IGSF9: variants seen among roughly 807,000 people sequenced by gnomAD.
The protein encoded by IGSF9 is immunoglobulin superfamily member 9, also known as protein turtle homolog A.
In IGSF9, 87 loss-of-function variants were observed where a neutral mutation model predicts 121.7. That is an observed-to-expected ratio of 0.71 (90% CI 0.60 to 0.85). The LOEUF (loss-of-function observed/expected upper bound fraction) is 0.85, where lower values mean the gene tolerates loss of function less well. Among genes scored for constraint, IGSF9 ranks in the 40% least tolerant of loss-of-function variants. The pLI is 0.00. For synonymous variants in IGSF9, 640 were observed against 648.4 expected, an observed-to-expected ratio of 0.99 and a Z score of 0.20; for missense variants, 1,462 against 1,565.3, an observed-to-expected ratio of 0.93 and a Z score of 1.11.
Position 159,943,164 on chromosome 1 carries a change from T to C in IGSF9, c.59-13A>G. On this transcript the variant is annotated splice_polypyrimidine_tract_variant and intron_variant, in intron 2 of 20. Coordinates refer to ENST00000368094, the MANE Select transcript of IGSF9 (RefSeq NM_001135050.2). ...GGCTTCCCTCGACCTGCATGATGGG[T>C]GGCATGAGGGCACAACGGGGGGCTA... The C allele has an allele frequency of 6.3e-7, 1 of 1,576,244 alleles. No individual in the cohort carries two copies. Among genetic ancestry groups the C allele is most frequent in the Non-Finnish European group, 8.6e-7 (1 of 1,165,610 alleles).
At chr1:159,935,179 C>T (rs1164761046) in intron 6 of IGSF9, among the ~76,000 whole-genome samples, 1 of 152,148 alleles carries the variant, frequency 6.6e-6, no homozygotes, top group African/African-American at 2.4e-5. Context: ...GGCCCTAACC[C>T]AGGTGCCCAA....
Position 159,929,019 on chromosome 1 carries a change from C to T in IGSF9, c.2370-1G>A. 1 of 1,515,522 alleles carries T rather than the reference C, an allele frequency of 6.6e-7. No homozygotes were observed. Among genetic ancestry groups the T allele is most frequent in the Non-Finnish European group, 8.8e-7 (1 of 1,133,754 alleles). The allele number at this position is 1,515,522 out of a possible 1,614,324, so 93.9% of individuals were successfully genotyped here. The stretch of plus-strand genomic sequence containing the variant: ...AGGACTGCCTGAGCCCAGAGCAGAG[C>T]TGGGGAAGGACAGGAGATCAGGGTC... On this transcript the variant is annotated splice_acceptor_variant, in intron 18 of 20. Transcript: ENST00000368094. LOFTEE classifies it high-confidence loss of function.
At position 159,936,858 on chromosome 1, in the gene IGSF9, G is replaced by C; in HGVS notation, c.451C>G (p.Leu151Val). The change falls in exon 5 of 21, where the codon CTG becomes GTG. Residue 151 changes from leucine (L) to valine (V), a missense_variant. Physicochemically the swap from Leu to Val is conservative, Grantham distance 32. This residue lies in a region of IGSF9 where 558 missense variants were observed against 599.4 expected (regional missense o/e 0.93). Transcript: ENST00000368094. Reference protein sequence around the residue: ...TPPAVLEVQELEPVTLRCVAR... With the variant: ...TPPAVLEVQEVEPVTLRCVAR... ...ACACAACGCAGGGTCACAGGCTCCA[G>C]TTCCTGCACTTCCAACACAGCAGGA... 6.2e-7 allele frequency: 1 copy of C among 1,614,246 alleles called. No individual in the cohort carries two copies. The highest frequency in any genetic ancestry group is 1.1e-5 in the South Asian group (1 of 91,092).
intron 6 of IGSF9, 47 bp downstream of exon 6, chr1:159,936,352 C>G (rs1557935154): frequency 1.3e-6 from 2 of 1,515,534 alleles, no homozygotes; most frequent in Non-Finnish European, 1.8e-6. Context: ...GGTCACAGCC[C>G]CCTTGCATAG....
intron 4 of IGSF9, among the ~76,000 whole-genome samples, 155 bp downstream of exon 4, chr1:159,937,531 C>A (rs1275557568): frequency 6.6e-6 from 1 of 151,920 alleles, no homozygotes; most frequent in Non-Finnish European, 1.5e-5. Flanking sequence ...GATGCAACTA[C>A]TAAGTGAGCA....
chr1:159,929,991 G>C lies in IGSF9; in HGVS notation c.2065-16C>G, dbSNP rs563484566. On this transcript the variant is annotated splice_polypyrimidine_tract_variant and intron_variant, in intron 15 of 20. Coordinates refer to ENST00000368094, the MANE Select transcript of IGSF9 (RefSeq NM_001135050.2). The stretch of plus-strand genomic sequence containing the variant: ...AGAGAACATCCTGCGATGGGGATGG[G>C]GTACCAGGAGGGAGGTCAGGGCCCA... 3 of 1,592,428 alleles carry C rather than the reference G, an allele frequency of 1.9e-6. No individual in the cohort carries two copies. The highest frequency in any genetic ancestry group is 8.5e-7 in the Non-Finnish European group (1 of 1,170,830).
intron 7 of IGSF9, 49 bp from the exon 8 acceptor site, chr1:159,934,619 C>T (rs539098724): frequency 5.8e-5 from 93 of 1,613,044 alleles, no homozygotes; most frequent in African/African-American, 8.0e-5. Flanking sequence ...CCCAGCCAAG[C>T]GGCTCTTCAG....
intron 14 of IGSF9, 93 bp downstream of exon 14, chr1:159,930,599 G>C (rs752346808): frequency 3.8e-6 from 6 of 1,568,062 alleles, no homozygotes; most frequent in Non-Finnish European, 5.2e-6. Flanking sequence ...CAGCACCTCT[G>C]CCCCTTCCCA....
intron 3 of IGSF9, among the ~76,000 whole-genome samples, chr1:159,941,971 C>A (rs1651395979): frequency 1.3e-5 from 2 of 152,260 alleles, no homozygotes; most frequent in Admixed American, 6.5e-5. Context: ...TCAGCCCGCC[C>A]TGTGGCAAGG....
At chr1:159,930,570 C>T (rs2101875665) in intron 14 of IGSF9, 122 bp downstream of exon 14, 1 of 1,541,428 alleles carries the variant, frequency 6.5e-7, no homozygotes. Flanking sequence ...CCACACACCC[C>T]TCTGGACCCC....
chr1:159,936,580 G>A (rs577828416), intron 5 of IGSF9, 64 bp from the exon 6 acceptor site: 3 of 1,562,938 alleles, frequency 1.9e-6, no homozygotes, highest in South Asian at 1.2e-5. Context: ...GCACTTCCGA[G>A]TTTGGCCAGC....
At chr1:159,937,626 C>T (rs1210438346) in intron 4 of IGSF9, 60 bp downstream of exon 4, 12 of 1,571,032 alleles carry the variant, frequency 7.6e-6, no homozygotes, top group Admixed American at 1.7e-5. Context: ...TCCCACCAGC[C>T]AGAGATCCCC....
chr1:159,929,850 CG>C, intron 16 of IGSF9, 36 bp from the exon 17 acceptor site: 4 of 1,589,112 alleles, frequency 2.5e-6, no homozygotes, highest in Non-Finnish European at 3.4e-6. Context: ...TCAGTGGACT[CG>C]GAGCAGCCCT....
intron 8 of IGSF9, 43 bp downstream of exon 8, chr1:159,934,382 G>A: frequency 6.4e-7 from 1 of 1,568,066 alleles, no homozygotes. Context: ...GCCTGGCCCA[G>A]GGGAAGGGAG....
chr1:159,940,383 G>C (rs1038835436), intron 3 of IGSF9, among the ~76,000 whole-genome samples: 2 of 152,238 alleles, frequency 1.3e-5, no homozygotes, highest in African/African-American at 2.4e-5. Context: ...TTACAGAACA[G>C]GAAGATCGCC....
chr1:159,933,232 A>C (rs1651060830), intron 9 of IGSF9: 1 of 152,862 alleles, frequency 6.5e-6, no homozygotes, highest in Non-Finnish European at 1.5e-5. Flanking sequence ...TCCTATGTCC[A>C]GTATCTCCCG....
Position 159,937,762 on chromosome 1 carries a change from G to A in IGSF9, c.324C>T (p.Cys108=). 1 of 1,614,054 alleles carries A rather than the reference G, an allele frequency of 6.2e-7. No homozygotes were observed. Among genetic ancestry groups the A allele is most frequent in the Non-Finnish European group, 8.5e-7 (1 of 1,179,958 alleles). The change falls in exon 4 of 21, where the codon TGC becomes TGT. Residue 108 remains cysteine, a synonymous_variant. Coordinates refer to ENST00000368094, the MANE Select transcript of IGSF9 (RefSeq NM_001135050.2). ...LRVEDQGWYE[C]RVFFLDQHIP... ...TGTGCTGGTCCAGGAAGAACACGCG[G>A]CACTCGTACCAGCCCTGGTCTTCCA...
intron 3 of IGSF9, among the ~76,000 whole-genome samples, chr1:159,941,745 C>T (rs560665089): frequency 7.9e-5 from 12 of 152,236 alleles, no homozygotes; most frequent in Non-Finnish European, 1.6e-4. Context: ...AGCCCGAGAC[C>T]CCTCCCAGGC....
In IGSF9 at chr1:159,930,256, C is replaced by A; in HGVS notation, c.1997G>T (p.Gly666Val). Residue 666 changes from glycine (G) to valine (V), a missense_variant, in exon 15 of 21, where the codon GGC (glycine) becomes GTC (valine). Physicochemically the swap from Gly to Val is moderately radical, Grantham distance 109. Around this residue, in one of 3 missense-constraint regions of IGSF9, gnomAD observed 808 missense variants for 815.2 expected, o/e 0.99. Transcript: ENST00000368094. Reference sequence around the variant, plus strand: ...CACAGCCGGGTCCAGCACCTCCCAGCCCTGGGAGCCTTGCCGGCCTTCCAA... The same window carrying A: ...CACAGCCGGGTCCAGCACCTCCCAGACCTGGGAGCCTTGCCGGCCTTCCAA... ...YVLEGRQGSQGWEVLDPAVAG... is the reference protein window; with the variant it reads ...YVLEGRQGSQVWEVLDPAVAG... 1 of 1,613,918 alleles carries A rather than the reference C, an allele frequency of 6.2e-7. No individual in the cohort carries two copies. The highest frequency in any genetic ancestry group is 8.5e-7 in the Non-Finnish European group (1 of 1,179,900).
Sources: gnomAD v4.1 joint callset for allele counts (sites outside exome capture counted in the v4.1 genomes callset) on GRCh38, gnomAD v4.1.1 for gene constraint, gnomAD v4.1.1 regional missense constraint, MANE v1.5 for transcripts, NCBI Gene and HGNC (gene_info 2026-07-23, HGNC 2026-07-21) for gene names.